ZNF316: variants seen among roughly 807,000 people sequenced by gnomAD.
ZNF316 encodes zinc finger protein 316.
Under a neutral mutation model 75.6 loss-of-function variants are expected in ZNF316, and 23 were observed. The observed-to-expected ratio is 0.30, with a 90% confidence interval of 0.22 to 0.43. The LOEUF (loss-of-function observed/expected upper bound fraction) is 0.43. Ranked by LOEUF, ZNF316 falls within the 20% of genes least tolerant of loss-of-function variation. ZNF316 has a pLI of 1.00. For missense variants in ZNF316, 1,266 were observed against 1,409.4 expected (o/e 0.90, Z 1.63); for synonymous variants, 827 against 666.2 (o/e 1.24, Z -3.72).
Position 6,654,559 on chromosome 7 carries a change from A to G in ZNF316, c.2963A>G (p.His988Arg), listed in dbSNP as rs1462046269. The change falls in exon 9 of 9, where the codon CAC (histidine) becomes CGC (arginine). Residue 988 changes from histidine to arginine, a missense_variant. His to Arg is a conservative substitution (Grantham distance 29). Coordinates refer to ENST00000382252, the MANE Select transcript of ZNF316 (RefSeq NM_001278559.2). ...GGCGGCACAAGCTTCGGCTCCGAGCACCAGGCCGCGTTCGCCGGGCCCTCG... is the reference window on the plus strand; with the variant it reads ...GGCGGCACAAGCTTCGGCTCCGAGCGCCAGGCCGCGTTCGCCGGGCCCTCG... ...FAGGTSFGSE[H>R]QAAFAGPSGA... 2 of 1,187,362 alleles carry G rather than the reference A, an allele frequency of 1.7e-6. No individual in the cohort carries two copies. Among genetic ancestry groups the G allele is most frequent in the East Asian group, 7.4e-5 (2 of 27,136 alleles). The allele number at this position is 1,187,362 out of a possible 1,614,324, so 73.6% of individuals were successfully genotyped here.
intron 8 of ZNF316, among the ~76,000 whole-genome samples, chr7:6,646,431 G>T (rs1395009191): frequency 6.6e-6 from 1 of 152,214 alleles, no homozygotes; most frequent in Non-Finnish European, 1.5e-5. Flanking sequence ...GCCTCCTGGA[G>T]GGTTAGGGGT....
rs1162088109 is a variant in ZNF316, at chr7:6,653,186, CGAGGACACGGACCCTGGGCCA to C, written c.1595_1615del (p.Asp532_Glu538del). 3 of 1,213,870 alleles carry C rather than the reference CGAGGACACGGACCCTGGGCCA, an allele frequency of 2.5e-6. No homozygotes were observed. The highest frequency in any genetic ancestry group is 1.6e-5 in the African/African-American group (1 of 63,456). The allele number at this position is 1,213,870 out of a possible 1,614,324, so 75.2% of individuals were successfully genotyped here. A position where few individuals can be genotyped will look rare whatever the true frequency, so the allele number is the denominator to read the frequency against. ...GCGAGACGGCGGCCGCCGCGGGGCC[CGAGGACACGGACCCTGGGCCA>C]GAGGGATCTGAAGTTGGCGAGGCGG... On this transcript the variant is annotated inframe_deletion, in exon 9 of 9. Coordinates refer to ENST00000382252, the MANE Select transcript of ZNF316 (RefSeq NM_001278559.2).
At position 6,654,583 on chromosome 7, in the gene ZNF316, C is replaced by T. The variant is rs1242433431; in HGVS notation, c.2987C>T (p.Ser996Leu). 1.7e-6 allele frequency: 2 copies of T among 1,186,620 alleles called. No homozygotes were observed. The highest frequency in any genetic ancestry group is 4.2e-5 in the South Asian group (1 of 23,952). The allele number at this position is 1,186,620 out of a possible 1,614,324, so 73.5% of individuals were successfully genotyped here. The part of the protein sequence containing the change: ...SEHQAAFAGP[S>L]GAYREGVL Reference sequence around the variant, plus strand: ...CACCAGGCCGCGTTCGCCGGGCCCTCGGGCGCCTACCGGGAGGGCGTCCTG... The same window carrying T: ...CACCAGGCCGCGTTCGCCGGGCCCTTGGGCGCCTACCGGGAGGGCGTCCTG... Residue 996 changes from serine (S) to leucine (L), a missense_variant, in exon 9 of 9, where the codon TCG becomes TTG. Physicochemically the swap from Ser to Leu is moderately radical, Grantham distance 145. Around this residue, in one of 3 missense-constraint regions of ZNF316, gnomAD observed 111 missense variants for 99.2 expected, o/e 1.12. Transcript: ENST00000382252.
At position 6,644,983 on chromosome 7, in the gene ZNF316, T is replaced by TG. The variant is rs1406952790; in HGVS notation, c.706+393dup. Reference sequence around the variant, plus strand: ...GCTTCTCCGCCCACTTGGCCATGTCTGGGAAAAGGCTCCCCCCAGCTCCCT... The same window carrying TG: ...GCTTCTCCGCCCACTTGGCCATGTCTGGGGAAAAGGCTCCCCCCAGCTCCCT... On this transcript the variant is annotated intron_variant, in intron 8 of 8. Coordinates refer to ENST00000382252, the MANE Select transcript of ZNF316 (RefSeq NM_001278559.2). 2.6e-5 allele frequency among the ~76,000 whole-genome samples: 4 copies of TG among 152,234 alleles called. No homozygotes were observed. The East Asian group carries it at 7.7e-4, about 29-fold the overall frequency.
rs1779335744 is a variant in ZNF316, at chr7:6,642,891, GGTGTT to G, written c.356-71_356-67del. Reference sequence around the variant, plus strand: ...AGCTGAAACCCAGCTTTGCAATGAGGGTGTTGCCAGGGCTCCTGGCCCTGCAGGCT... The same window carrying G: ...AGCTGAAACCCAGCTTTGCAATGAGGGCCAGGGCTCCTGGCCCTGCAGGCT... On this transcript the variant is annotated intron_variant, in intron 5 of 8. Transcript: ENST00000382252. The surrounding 1 kb of genome is among the most constrained non-coding windows in gnomAD (Gnocchi z 8.1). 1 of 1,232,166 alleles carries G rather than the reference GGTGTT, an allele frequency of 8.1e-7. No homozygotes were observed. Among genetic ancestry groups the G allele is most frequent in the Non-Finnish European group, 1.0e-6 (1 of 988,186 alleles). The allele number at this position is 1,232,166 out of a possible 1,614,324, so 76.3% of individuals were successfully genotyped here.
At position 6,655,286 on chromosome 7, in the gene ZNF316, A is replaced by G. The variant is rs2115323657; in HGVS notation, c.*675A>G. 7.0e-6 allele frequency: 1 copy of G among 143,222 alleles called. No homozygotes were observed. The highest frequency in any genetic ancestry group is 2.9e-4 in the East Asian group (1 of 3,396). 8.9% of individuals were successfully genotyped at this position (143,222 alleles called of 1,614,324 possible). On this transcript the variant is annotated 3_prime_UTR_variant, in exon 9 of 9. Transcript: ENST00000382252. ...AAAGCCAGATACCAAACTTACGGCCAGGCAGACGGGTCGCGGGTGTTGACA... is the reference window on the plus strand; with the variant it reads ...AAAGCCAGATACCAAACTTACGGCCGGGCAGACGGGTCGCGGGTGTTGACA...
In ZNF316 at chr7:6,653,058, C is replaced by T; in HGVS notation, c.1462C>T (p.Pro488Ser). The change falls in exon 9 of 9, where the codon CCC (proline) becomes TCC (serine). Residue 488 changes from proline (P) to serine (S), a missense_variant. Around this residue, in one of 3 missense-constraint regions of ZNF316, gnomAD observed 961 missense variants for 990.9 expected, o/e 0.97. Coordinates refer to ENST00000382252, the MANE Select transcript of ZNF316 (RefSeq NM_001278559.2). ...CACGGCCGACCGCCCGCACTGCTGT[C>T]CCGACTGCGGCCAGGCCTTCCGCCT... ...VHTADRPHCC[P>S]DCGQAFRLRA... 8.2e-7 allele frequency: 1 copy of T among 1,213,864 alleles called. No homozygotes were observed. The highest frequency in any genetic ancestry group is 1.0e-6 in the Non-Finnish European group (1 of 976,852). The allele number at this position is 1,213,864 out of a possible 1,614,324, so 75.2% of individuals were successfully genotyped here.
Position 6,652,449 on chromosome 7 carries a change from C to T in ZNF316, c.853C>T (p.Pro285Ser). 2 of 1,231,932 alleles carry T rather than the reference C, an allele frequency of 1.6e-6. No homozygotes were observed. The highest frequency in any genetic ancestry group is 2.0e-6 in the Non-Finnish European group (2 of 987,862). 76.3% of individuals were successfully genotyped at this position (1,231,932 alleles called of 1,614,324 possible). The change falls in exon 9 of 9, where the codon CCC (proline) becomes TCC (serine). Residue 285 changes from proline (P) to serine (S), a missense_variant. Pro to Ser is a moderately conservative substitution (Grantham distance 74). Coordinates refer to ENST00000382252, the MANE Select transcript of ZNF316 (RefSeq NM_001278559.2). ...GGGGGACGTGCCTGGGACGTGGGGG[C>T]CCGACGACTCGGATTCGGCGCAGAC... ...GVGDVPGTWG[P>S]DDSDSAQTPE...
At chr7:6,643,125 C>T (rs936786584) in intron 6 of ZNF316, 52 bp downstream of exon 6, 39 of 1,231,566 alleles carry the variant, frequency 3.2e-5, no homozygotes, top group African/African-American at 6.2e-5. Flanking sequence ...GGGTTTCCCC[C>T]GGGGCCTCGG....
intron 8 of ZNF316, among the ~76,000 whole-genome samples, chr7:6,645,460 G>A (rs927281400): frequency 6.6e-6 from 1 of 152,044 alleles, no homozygotes; most frequent in Admixed American, 6.6e-5. Context: ...GAGGTGGACA[G>A]ATCACTCGAG....
At chr7:6,649,388 G>C (rs1779465337) in intron 8 of ZNF316, among the ~76,000 whole-genome samples, 1 of 152,214 alleles carries the variant, frequency 6.6e-6, no homozygotes, top group Non-Finnish European at 1.5e-5. Context: ...GTGCCCTCCA[G>C]CTGTTGAGAA....
chr7:6,637,739 C>CGT lies in ZNF316; in HGVS notation c.-430-105_-430-104dup, dbSNP rs1323410401. ...GAGGGGGCAGGCCCGGGAGGCCACGCGTGACACCTCGGGGTGCCCGCCCAC... is the reference window on the plus strand; with the variant it reads ...GAGGGGGCAGGCCCGGGAGGCCACGCGTGTGACACCTCGGGGTGCCCGCCCAC... On this transcript the variant is annotated intron_variant, in intron 1 of 8. Transcript: ENST00000382252. The surrounding 1 kb of genome is among the most constrained non-coding windows in gnomAD (Gnocchi z 6.2). The CGT allele has an allele frequency of 6.6e-6, 1 of 151,832 alleles. No individual in the cohort carries two copies. Among genetic ancestry groups the CGT allele is most frequent in the African/African-American group, 2.4e-5 (1 of 41,366 alleles). 9.4% of individuals were successfully genotyped at this position (151,832 alleles called of 1,614,324 possible).
At chr7:6,645,306 C>T (rs1015349212) in intron 8 of ZNF316, among the ~76,000 whole-genome samples, 2 of 152,186 alleles carry the variant, frequency 1.3e-5, no homozygotes, top group Non-Finnish European at 2.9e-5. Context: ...GGCCCCTGCC[C>T]CACAGGTGTC....
At position 6,642,888 on chromosome 7, in the gene ZNF316, G is replaced by C; in HGVS notation, c.356-76G>C. 1 of 1,232,292 alleles carries C rather than the reference G, an allele frequency of 8.1e-7. No homozygotes were observed. Among genetic ancestry groups the C allele is most frequent in the African/African-American group, 1.5e-5 (1 of 64,536 alleles). The allele number at this position is 1,232,292 out of a possible 1,614,324, so 76.3% of individuals were successfully genotyped here. On this transcript the variant is annotated intron_variant, in intron 5 of 8. Coordinates refer to ENST00000382252, the MANE Select transcript of ZNF316 (RefSeq NM_001278559.2). The surrounding 1 kb of genome is among the most constrained non-coding windows in gnomAD (Gnocchi z 8.1). ...TGGAGCTGAAACCCAGCTTTGCAAT[G>C]AGGGTGTTGCCAGGGCTCCTGGCCC... is the stretch of plus-strand genomic sequence containing the variant.
Position 6,642,371 on chromosome 7 carries a change from C to T in ZNF316, c.-28-11C>T, listed in dbSNP as rs1284775705. On this transcript the variant is annotated splice_polypyrimidine_tract_variant and intron_variant, in intron 4 of 8. Coordinates refer to ENST00000382252, the MANE Select transcript of ZNF316 (RefSeq NM_001278559.2). The surrounding 1 kb of genome is among the most constrained non-coding windows in gnomAD (Gnocchi z 8.1). Reference sequence around the variant, plus strand: ...AGAGCAGCCCGTCACTGGCGTCCATCTGCATTTCAGGCCACGTGGAGGCTC... The same window carrying T: ...AGAGCAGCCCGTCACTGGCGTCCATTTGCATTTCAGGCCACGTGGAGGCTC... 2 of 1,210,568 alleles carry T rather than the reference C, an allele frequency of 1.7e-6. No homozygotes were observed. The highest frequency in any genetic ancestry group is 3.2e-5 in the East Asian group (1 of 31,598). The allele number at this position is 1,210,568 out of a possible 1,614,324, so 75.0% of individuals were successfully genotyped here.
intron 6 of ZNF316, 115 bp from the exon 7 acceptor site, chr7:6,643,707 A>G: frequency 2.0e-6 from 2 of 980,848 alleles, no homozygotes; most frequent in Non-Finnish European, 2.6e-6. Context: ...CCTCAGTGCC[A>G]TCTGGGCATC....
chr7:6,651,807 T>C (rs1419242986), intron 8 of ZNF316, among the ~76,000 whole-genome samples: 4 of 152,208 alleles, frequency 2.6e-5, no homozygotes, highest in Non-Finnish European at 4.4e-5. Context: ...GCAGGTCTTC[T>C]GTGGACAGGG....
rs536793509 is a variant in ZNF316, at chr7:6,658,251, T to C, written c.*3640T>C. ...TAAAGTATTTTGAATTACTGGGTTA[T>C]ATCTATTAAATAAAGCTTTATGATC... is the stretch of plus-strand genomic sequence containing the variant. On this transcript the variant is annotated 3_prime_UTR_variant, in exon 9 of 9. Transcript: ENST00000382252. Among the ~76,000 whole-genome samples, 1 of 152,334 alleles carries C rather than the reference T, an allele frequency of 6.6e-6. No homozygotes were observed. Among genetic ancestry groups the C allele is most frequent in the Admixed American group, 6.5e-5 (1 of 15,302 alleles).
At chr7:6,647,849 G>C (rs983250848) in intron 8 of ZNF316, among the ~76,000 whole-genome samples, 5 of 152,198 alleles carry the variant, frequency 3.3e-5, no homozygotes, top group African/African-American at 1.2e-4. Context: ...GGCAGGTTGG[G>C]ACCGTGTCTT....
Sources: gnomAD v4.1 joint callset for allele counts (sites outside exome capture counted in the v4.1 genomes callset) on GRCh38, gnomAD v4.1.1 for gene constraint, gnomAD v4.1.1 regional missense constraint, Gnocchi (gnomAD v3.1) non-coding constraint, MANE v1.5 for transcripts, NCBI Gene and HGNC (gene_info 2026-07-23, HGNC 2026-07-21) for gene names.